Variants in OXTR observed in about 807,000 individuals in gnomAD.
OXTR encodes oxytocin receptor.
A neutral mutation model predicts 23.9 loss-of-function variants in OXTR; 19 were observed. The ratio of observed to expected loss-of-function variants is 0.80; its 90% confidence interval spans 0.56 to 1.17. The LOEUF (loss-of-function observed/expected upper bound fraction) is 1.17. Ranked by LOEUF, OXTR falls within the 50% of genes most tolerant of loss-of-function variation. OXTR has a pLI of 0.00. For missense variants in OXTR, 500 were observed against 550.7 expected (o/e 0.91, Z 0.92); for synonymous variants, 278 against 250.5 (o/e 1.11, Z -1.04).
chr3:8,741,820 C>T, the OXTR span, among the ~76,000 whole-genome samples: 2 of 152,210 alleles, frequency 1.3e-5, no homozygotes, highest in African/African-American at 4.8e-5. Context: ...TGCTATCCTA[C>T]ACCTTCCCCG....
downstream of OXTR, among the ~76,000 whole-genome samples, chr3:8,748,056 T>C (rs1380537660): frequency 1.3e-5 from 2 of 152,190 alleles, no homozygotes; most frequent in African/African-American, 4.8e-5. Context: ...ATTGGGGTTA[T>C]GATGAGAATG....
At chr3:8,745,673 TG>T (rs747392267), downstream of OXTR, 5 of 1,614,192 alleles carry the variant, frequency 3.1e-6, no homozygotes, top group Non-Finnish European at 4.2e-6. This position sits in a 1 kb window ranked among gnomAD's most constrained non-coding sequence, Gnocchi z 4.8. Flanking sequence ...GGCCCTGCTC[TG>T]GGGCTTCCTG....
chr3:8,745,013 C>A, the OXTR span: 1 of 162,956 alleles, frequency 6.1e-6, no homozygotes, highest in Admixed American at 5.7e-5. The surrounding 1 kb of genome is among the most constrained non-coding windows in gnomAD (Gnocchi z 4.8). Flanking sequence ...ATCTGTGTCC[C>A]CTCTAAACCT....
At chr3:8,749,759 C>T (rs770409606), downstream of OXTR, among the ~76,000 whole-genome samples, 3 of 152,196 alleles carry the variant, frequency 2.0e-5, no homozygotes, top group Non-Finnish European at 2.9e-5. Flanking sequence ...AGACTTTGAA[C>T]GTGGACATTT....
chr3:8,741,927 C>CGACAGAA, the OXTR span, among the ~76,000 whole-genome samples: 2 of 152,126 alleles, frequency 1.3e-5, no homozygotes, highest in African/African-American at 4.8e-5. Context: ...AAGGGGACAC[C>CGACAGAA]GACAGAATGT....
intron 3 of OXTR, among the ~76,000 whole-genome samples, chr3:8,761,802 G>A (rs1206623215): frequency 6.6e-6 from 1 of 152,206 alleles, no homozygotes; most frequent in Non-Finnish European, 1.5e-5. Context: ...GGGTGTCAAA[G>A]CTCCATTATG....
rs1262623176 is a variant in OXTR at position 8,759,936 on chromosome 3, ACC to A, written c.923-6714_923-6713del. Among the ~76,000 whole-genome samples, 11 of 152,278 alleles carry A rather than the reference ACC, an allele frequency of 7.2e-5. No individual in the cohort carries two copies. The East Asian group carries it at 2.1e-3, about 29-fold the overall frequency. ...CCTTAGACAAGACCCAGCCTAGGGT[ACC>A]TCTAAACCAGAGCTAGAACCTTCCA... On this transcript the variant is annotated intron_variant, in intron 3 of 3. Transcript: ENST00000316793.
At chr3:8,754,171 C>G (rs1336091728) in intron 3 of OXTR, among the ~76,000 whole-genome samples, 1 of 152,198 alleles carries the variant, frequency 6.6e-6, no homozygotes, top group African/African-American at 2.4e-5. Flanking sequence ...GGCTATTATA[C>G]TGAGGACTCA....
At chr3:8,743,878 T>C in the OXTR span, among the ~76,000 whole-genome samples, 2 of 152,220 alleles carry the variant, frequency 1.3e-5, no homozygotes, top group African/African-American at 4.8e-5. Context: ...CCAAGACTCT[T>C]TTCTTTTTTC....
At chr3:8,747,247 G>A (rs532041382), downstream of OXTR, among the ~76,000 whole-genome samples, 3 of 152,172 alleles carry the variant, frequency 2.0e-5, no homozygotes, top group African/African-American at 4.8e-5. Context: ...TCCTGCTTCC[G>A]CTCCTAGTTG....
At chr3:8,749,480 G>A (rs1708219193), downstream of OXTR, among the ~76,000 whole-genome samples, 1 of 152,160 alleles carries the variant, frequency 6.6e-6, no homozygotes, top group Non-Finnish European at 1.5e-5. Flanking sequence ...GAACAGCAGA[G>A]TCCTGGGGCA....
chr3:8,756,178 A>C (rs955873838), intron 3 of OXTR, among the ~76,000 whole-genome samples: 4 of 152,176 alleles, frequency 2.6e-5, no homozygotes, highest in Non-Finnish European at 5.9e-5. Flanking sequence ...TCACAGGATT[A>C]CAGAGGACTT....
At chr3:8,750,111 T>C (rs912079148), downstream of OXTR, among the ~76,000 whole-genome samples, 4 of 152,238 alleles carry the variant, frequency 2.6e-5, no homozygotes, top group Admixed American at 2.6e-4. Context: ...TTTGAGAACA[T>C]GTTCACTAGG....
downstream of OXTR, chr3:8,746,130 C>T: frequency 6.4e-6 from 3 of 471,048 alleles, no homozygotes; most frequent in Non-Finnish European, 1.2e-5. Flanking sequence ...GAGGCAGCTA[C>T]TGCAAGTCTT....
chr3:8,757,687 G>A (rs1708400125), intron 3 of OXTR, among the ~76,000 whole-genome samples: 2 of 152,206 alleles, frequency 1.3e-5, no homozygotes, highest in African/African-American at 4.8e-5. Context: ...CGAGTCCTGA[G>A]CGTGTGCCAG....
intron 3 of OXTR, among the ~76,000 whole-genome samples, chr3:8,764,796 G>A (rs1038820836): frequency 6.6e-6 from 1 of 152,194 alleles, no homozygotes; most frequent in South Asian, 2.1e-4. Flanking sequence ...TGTGCTTGGG[G>A]CAGCGGGGAG....
chr3:8,745,787 C>T (rs776563500), downstream of OXTR: 14 of 1,613,908 alleles, frequency 8.7e-6, no homozygotes, highest in African/African-American at 4.0e-5. The surrounding 1 kb of genome is among the most constrained non-coding windows in gnomAD (Gnocchi z 4.8). Context: ...ACTCTGCATC[C>T]GCACCTTCTG....
At chr3:8,741,767 G>T in the OXTR span, among the ~76,000 whole-genome samples, 1 of 152,084 alleles carries the variant, frequency 6.6e-6, no homozygotes, top group Admixed American at 6.5e-5. Flanking sequence ...TCGACCCCGG[G>T]TGACTGTTGT....
the OXTR span, chr3:8,742,485 C>T: frequency 8.8e-6 from 4 of 456,490 alleles, no homozygotes; most frequent in South Asian, 1.5e-5. Context: ...GGACTCCATC[C>T]GTCTTATCAG....
Sources: gnomAD v4.1 joint callset for allele counts (sites outside exome capture counted in the v4.1 genomes callset) on GRCh38, gnomAD v4.1.1 for gene constraint, Gnocchi (gnomAD v3.1) non-coding constraint, MANE v1.5 for transcripts, NCBI Gene and HGNC (gene_info 2026-07-23, HGNC 2026-07-21) for gene names.